The following FGF12 variants were observed in gnomAD, a reference collection of about 807,000 sequenced individuals.
The protein encoded by FGF12 is fibroblast growth factor 12, also known as fibroblast growth factor 12B.
In FGF12, 14 loss-of-function variants were observed where a neutral mutation model predicts 23.6. That is an observed-to-expected ratio of 0.59 (90% CI 0.39 to 0.93). The LOEUF (loss-of-function observed/expected upper bound fraction) is 0.93, where lower values mean the gene tolerates loss of function less well. Among genes scored for constraint, FGF12 ranks in the 40% least tolerant of loss-of-function variants. The probability of loss-of-function intolerance (pLI) is 0.00; values close to 1 mark genes in which losing one functional copy is unlikely to be tolerated. For synonymous variants in FGF12, 62 were observed against 77.3 expected, an observed-to-expected ratio of 0.80 and a Z score of 1.04; for missense variants, 175 against 217.8, an observed-to-expected ratio of 0.80 and a Z score of 1.24.
intron 2 of FGF12, among the ~76,000 whole-genome samples, chr3:192,480,157 G>A (rs995484673): frequency 6.6e-6 from 1 of 152,122 alleles, no homozygotes; most frequent in African/African-American, 2.4e-5. Flanking sequence ...AGAATCTAAC[G>A]ACAACTGAAA....
chr3:192,218,976 G>C (rs938121403), intron 4 of FGF12, among the ~76,000 whole-genome samples: 2 of 152,114 alleles, frequency 1.3e-5, no homozygotes, highest in African/African-American at 2.4e-5. Context: ...TGTTGCCCTA[G>C]TTGTGTAGCT....
chr3:192,496,847 C>T (rs1012064045), intron 2 of FGF12, among the ~76,000 whole-genome samples: 15 of 152,218 alleles, frequency 9.9e-5, no homozygotes, highest in Admixed American at 2.6e-4. Context: ...TGAATTTCCT[C>T]TACTTCTCAA....
intron 4 of FGF12, among the ~76,000 whole-genome samples, chr3:192,260,375 T>C (rs939140603): frequency 4.6e-5 from 7 of 152,196 alleles, no homozygotes; most frequent in Non-Finnish European, 1.0e-4. Flanking sequence ...CTGTGCCAAC[T>C]AATAGTGTTT....
Position 192,322,826 on chromosome 3 carries a change from T to C in FGF12, c.228+12535A>G, listed in dbSNP as rs946820690. 1.8e-4 allele frequency among the ~76,000 whole-genome samples: 27 copies of C among 152,150 alleles called. 1 individual carries two copies. Among genetic ancestry groups the C allele is most frequent in the Admixed American group, 1.7e-3 (26 of 15,280 alleles). ...AAAAATGAAACTAGACCTCTATCTC[T>C]TGTCATGGACAAAAATCAAATCAAA... On this transcript the variant is annotated intron_variant, in intron 4 of 5. Transcript: ENST00000445105.
intron 4 of FGF12, among the ~76,000 whole-genome samples, chr3:192,188,537 A>C (rs1302332229): frequency 6.6e-6 from 1 of 152,160 alleles, no homozygotes; most frequent in Non-Finnish European, 1.5e-5. Context: ...ACTGCAGTGG[A>C]CAGTTGAGAA....
At chr3:192,288,904 C>T (rs1522272) in intron 4 of FGF12, among the ~76,000 whole-genome samples, 56,969 of 151,860 alleles carry the variant, frequency 0.38, 11,810 homozygotes, top group East Asian at 0.9. Flanking sequence ...CTCTCATGTG[C>T]ACCATGCCTT....
At chr3:192,213,711 T>C (rs1178588561) in intron 4 of FGF12, among the ~76,000 whole-genome samples, 4 of 152,316 alleles carry the variant, frequency 2.6e-5, no homozygotes, top group South Asian at 2.1e-4. Flanking sequence ...TGAAGAACCA[T>C]AAGAACTGTC....
chr3:192,712,142 C>T (rs1365561615), intron 2 of FGF12, among the ~76,000 whole-genome samples: 1 of 150,780 alleles, frequency 6.6e-6, no homozygotes, highest in African/African-American at 2.4e-5. Context: ...AAACTTGAGC[C>T]CATAATCTAG....
chr3:192,443,635 C>T (rs1013723008), intron 2 of FGF12, among the ~76,000 whole-genome samples: 2 of 152,112 alleles, frequency 1.3e-5, no homozygotes, highest in African/African-American at 2.4e-5. Flanking sequence ...CGGTTAAGAC[C>T]TGAGTTCAAA....
chr3:192,684,814 T>C (rs1717672234), intron 2 of FGF12, among the ~76,000 whole-genome samples: 1 of 152,206 alleles, frequency 6.6e-6, no homozygotes, highest in African/African-American at 2.4e-5. Context: ...ATTCATATCA[T>C]AGTCTTCATT....
At chr3:192,358,931 T>C (rs530608545) in intron 3 of FGF12, among the ~76,000 whole-genome samples, 1 of 152,168 alleles carries the variant, frequency 6.6e-6, no homozygotes, top group East Asian at 1.9e-4. Context: ...ACTAGTAATA[T>C]CTTGGAGTTA....
chr3:192,469,019 GT>G, intron 2 of FGF12, among the ~76,000 whole-genome samples: 1 of 152,136 alleles, frequency 6.6e-6, no homozygotes, highest in South Asian at 2.1e-4. Flanking sequence ...CTACCATTAT[GT>G]TCATGCTCAA....
intron 2 of FGF12, among the ~76,000 whole-genome samples, chr3:192,647,829 G>A (rs761524124): frequency 3.2e-4 from 49 of 151,176 alleles, no homozygotes; most frequent in Non-Finnish European, 6.5e-4. Flanking sequence ...GAACTCCTTA[G>A]AAAATAAGAT....
chr3:192,331,311 CAAAAAAAA>C (rs201997868), intron 4 of FGF12, among the ~76,000 whole-genome samples: 1,115 of 96,004 alleles, frequency 0.012, 21 homozygotes, highest in African/African-American at 0.036. Flanking sequence ...GGAGTTTTCT[CAAAAAAAA>C]AAAAAAAAAA....
At chr3:192,632,798 A>G (rs1197172993) in intron 2 of FGF12, among the ~76,000 whole-genome samples, 2 of 152,212 alleles carry the variant, frequency 1.3e-5, no homozygotes, top group Admixed American at 6.5e-5. Context: ...GGGGCACCTT[A>G]AAACAACAGA....
chr3:192,247,841 G>GA (rs1711725622), intron 4 of FGF12, among the ~76,000 whole-genome samples: 1 of 152,174 alleles, frequency 6.6e-6, no homozygotes, highest in Non-Finnish European at 1.5e-5. Flanking sequence ...TATTGAAAAT[G>GA]AAAAGTATTT....
At chr3:192,161,985 A>G (rs1419326943) in intron 5 of FGF12, among the ~76,000 whole-genome samples, 1 of 152,142 alleles carries the variant, frequency 6.6e-6, no homozygotes, top group Non-Finnish European at 1.5e-5. Context: ...TGTTTTTAAT[A>G]AAACTAAAAC....
At chr3:192,146,846 TAC>T (rs1713755662) in intron 5 of FGF12, among the ~76,000 whole-genome samples, 1 of 152,178 alleles carries the variant, frequency 6.6e-6, no homozygotes, top group African/African-American at 2.4e-5. Flanking sequence ...TCTGAAAATA[TAC>T]AGTGTTTCAA....
intron 2 of FGF12, among the ~76,000 whole-genome samples, chr3:192,640,822 T>A: frequency 6.6e-6 from 1 of 151,674 alleles, no homozygotes; most frequent in Non-Finnish European, 1.5e-5. Flanking sequence ...TTTGTTTGTT[T>A]GTTTGTGTGA....
Sources: gnomAD v4.1 joint callset for allele counts (sites outside exome capture counted in the v4.1 genomes callset) on GRCh38, gnomAD v4.1.1 for gene constraint, MANE v1.5 for transcripts, NCBI Gene and HGNC (gene_info 2026-07-23, HGNC 2026-07-21) for gene names.